PDSS1: variants seen among roughly 807,000 people sequenced by gnomAD.
PDSS1 encodes decaprenyl diphosphate synthase subunit 1.
A neutral mutation model predicts 57.5 loss-of-function variants in PDSS1; 43 were observed. That is an observed-to-expected ratio of 0.75 (90% CI 0.59 to 0.96). The LOEUF is 0.96. Ranked by LOEUF, PDSS1 falls within the 50% of genes least tolerant of loss-of-function variation. The pLI is 0.00. For synonymous variants in PDSS1, 175 were observed against 191.3 expected (o/e 0.91, Z 0.70); for missense variants, 438 against 527.8 (o/e 0.83, Z 1.67).
At chr10:26,745,772 G>A (rs1047354128) in intron 11 of PDSS1, among the ~76,000 whole-genome samples, 6 of 151,930 alleles carry the variant, frequency 3.9e-5, no homozygotes, top group Non-Finnish European at 8.8e-5. Context: ...GCTTGAGCCC[G>A]GGAGGTGAAG....
At chr10:26,736,976 C>A (rs1215491004) in intron 10 of PDSS1, among the ~76,000 whole-genome samples, 1 of 152,184 alleles carries the variant, frequency 6.6e-6, no homozygotes, top group Non-Finnish European at 1.5e-5. Context: ...GAGGCACTGG[C>A]TACCAGTAAC....
At chr10:26,713,519 T>G (rs2132240268) in intron 5 of PDSS1, among the ~76,000 whole-genome samples, 1 of 152,300 alleles carries the variant, frequency 6.6e-6, no homozygotes, top group East Asian at 1.9e-4. Context: ...GTGGGATGTC[T>G]GTAAACAACT....
intron 11 of PDSS1, among the ~76,000 whole-genome samples, chr10:26,743,036 T>C (rs1420564319): frequency 6.6e-6 from 1 of 152,244 alleles, no homozygotes; most frequent in Non-Finnish European, 1.5e-5. Context: ...TAGTCCATCC[T>C]ACCTGTTATA....
At chr10:26,736,126 C>A (rs986911646) in intron 10 of PDSS1, among the ~76,000 whole-genome samples, 4 of 152,150 alleles carry the variant, frequency 2.6e-5, no homozygotes, top group Non-Finnish European at 1.5e-5. Flanking sequence ...TGCAGTAGAC[C>A]CACATAGTTC....
intron 2 of PDSS1, 123 bp downstream of exon 2, chr10:26,702,317 A>G: frequency 2.9e-6 from 1 of 349,502 alleles, no homozygotes; most frequent in Non-Finnish European, 5.7e-6. Context: ...AGCAAGGGGC[A>G]GAACGATATG....
Position 26,717,877 on chromosome 10 carries a change from C to A in PDSS1, c.468-2341C>A, listed in dbSNP as rs1179696234. On this transcript the variant is annotated intron_variant, in intron 5 of 11. Transcript: ENST00000376215. Reference sequence around the variant, plus strand: ...AAAAAAAAACTGTAAAAGTTTATATCTTTTCCTGTGCATTCAACTCAAAGA... The same window carrying A: ...AAAAAAAAACTGTAAAAGTTTATATATTTTCCTGTGCATTCAACTCAAAGA... 2.6e-5 allele frequency: 4 copies of A among 152,080 alleles called. No homozygotes were observed. In the South Asian group the frequency reaches 8.3e-4, roughly 32 times the overall value. The allele number at this position is 152,080 out of a possible 1,614,324, so 9.4% of individuals were successfully genotyped here. A position where few individuals can be genotyped will look rare whatever the true frequency, so the allele number is the denominator to read the frequency against.
At chr10:26,726,508 C>T (rs972141156) in intron 8 of PDSS1, among the ~76,000 whole-genome samples, 4 of 152,022 alleles carry the variant, frequency 2.6e-5, no homozygotes, top group South Asian at 2.1e-4. Flanking sequence ...CAAAGCCATG[C>T]GAGCTCCAAA....
chr10:26,722,915 C>G (rs1407892065), intron 6 of PDSS1, among the ~76,000 whole-genome samples: 1 of 130,592 alleles, frequency 7.7e-6, no homozygotes, highest in African/African-American at 2.8e-5. Context: ...TTTTTTTTGT[C>G]TAGGAATGAG....
chr10:26,720,029 T>C, intron 5 of PDSS1, 189 bp from the exon 6 acceptor site: 2 of 723,250 alleles, frequency 2.8e-6, no homozygotes, highest in East Asian at 2.8e-5. Context: ...TAAAATGTAG[T>C]TGTGGCAGGG....
chr10:26,744,536 A>G (rs558427867), intron 11 of PDSS1, among the ~76,000 whole-genome samples: 6 of 151,930 alleles, frequency 3.9e-5, no homozygotes, highest in Non-Finnish European at 7.4e-5. Flanking sequence ...GACTACAGGC[A>G]CCCGCCACCA....
At chr10:26,709,557 G>A (rs1835353216) in intron 4 of PDSS1, 81 bp from the exon 5 acceptor site, 41 of 1,424,604 alleles carry the variant, frequency 2.9e-5, no homozygotes, top group Admixed American at 1.2e-4. Flanking sequence ...GCGAAACTCC[G>A]TCTCAAAAAA....
intron 5 of PDSS1, chr10:26,715,376 A>T (rs1014078313): frequency 1.3e-5 from 2 of 149,994 alleles, no homozygotes; most frequent in African/African-American, 4.9e-5. Context: ...GATGAGGCTG[A>T]TTCTGTCTGC....
At chr10:26,723,229 C>T (rs192624192) in intron 6 of PDSS1, among the ~76,000 whole-genome samples, 17 of 152,252 alleles carry the variant, frequency 1.1e-4, no homozygotes, top group African/African-American at 3.9e-4. Flanking sequence ...GAGGTGGCAT[C>T]TGAACCAATT....
chr10:26,704,702 A>T lies in PDSS1; in HGVS notation c.188A>T (p.His63Leu). ...ATACCCTATATTAATCTTGTGAAGCATTTAACATCTGCCTGTCCAAATGTA... is the reference window on the plus strand; with the variant it reads ...ATACCCTATATTAATCTTGTGAAGCTTTTAACATCTGCCTGTCCAAATGTA... Reference protein sequence around the residue: ...SQIPYINLVKHLTSACPNVCR... With the variant: ...SQIPYINLVKLLTSACPNVCR... Residue 63 changes from histidine to leucine, a missense_variant, in exon 3 of 12, where the codon CAT (histidine) becomes CTT (leucine). His to Leu is a moderately conservative substitution (Grantham distance 99, BLOSUM62 -3). Around this residue, in one of 2 missense-constraint regions of PDSS1, gnomAD observed 154 missense variants for 137.0 expected, o/e 1.12. Transcript: ENST00000376215. The T allele has an allele frequency of 6.9e-7, 1 of 1,447,194 alleles. No individual in the cohort carries two copies. The highest frequency in any genetic ancestry group is 9.7e-7 in the Non-Finnish European group (1 of 1,028,264). The allele number at this position is 1,447,194 out of a possible 1,614,324, so 89.6% of individuals were successfully genotyped here. A position where few individuals can be genotyped will look rare whatever the true frequency, so the allele number is the denominator to read the frequency against.
chr10:26,726,021 G>GGC (rs1274010470), intron 8 of PDSS1, among the ~76,000 whole-genome samples: 10 of 152,182 alleles, frequency 6.6e-5, no homozygotes, highest in South Asian at 2.1e-4. Context: ...ACATCCTGCA[G>GGC]GCACGGGGTG....
At chr10:26,726,674 T>G (rs1401711571) in intron 8 of PDSS1, among the ~76,000 whole-genome samples, 3 of 152,180 alleles carry the variant, frequency 2.0e-5, no homozygotes, top group Non-Finnish European at 4.4e-5. Context: ...ATACCATTTC[T>G]TCATCTCCCT....
At chr10:26,744,556 G>GATT (rs1359933353) in intron 11 of PDSS1, among the ~76,000 whole-genome samples, 2 of 151,700 alleles carry the variant, frequency 1.3e-5, no homozygotes, top group African/African-American at 4.8e-5. Flanking sequence ...ACGCCCGGCT[G>GATT]ATTTTTGTAT....
intron 8 of PDSS1, among the ~76,000 whole-genome samples, chr10:26,727,832 G>C (rs553457332): frequency 6.6e-6 from 1 of 152,298 alleles, no homozygotes; most frequent in South Asian, 2.1e-4. Context: ...TTGTCATCTA[G>C]AACAGTCTTT....
At chr10:26,726,326 C>G (rs1835946915) in intron 8 of PDSS1, among the ~76,000 whole-genome samples, 1 of 152,164 alleles carries the variant, frequency 6.6e-6, no homozygotes, top group African/African-American at 2.4e-5. Context: ...GCACTACCTC[C>G]TTTTCATGTG....
Sources: gnomAD v4.1 joint callset for allele counts (sites outside exome capture counted in the v4.1 genomes callset) on GRCh38, gnomAD v4.1.1 for gene constraint, gnomAD v4.1.1 regional missense constraint, MANE v1.5 for transcripts, NCBI Gene and HGNC (gene_info 2026-07-23, HGNC 2026-07-21) for gene names.